The following UBAP2 variants were observed in gnomAD, a reference collection of about 807,000 sequenced individuals.
UBAP2 encodes the protein ubiquitin associated protein 2.
In UBAP2, 75 loss-of-function variants were observed where a neutral mutation model predicts 139.6. That is an observed-to-expected ratio of 0.54 (90% CI 0.45 to 0.65). The LOEUF (loss-of-function observed/expected upper bound fraction) is 0.65. UBAP2 is among the 30% of genes least tolerant of loss of function. UBAP2 has a pLI of 0.00. For synonymous variants in UBAP2, 526 were observed against 526.2 expected (o/e 1.00, Z 0.01); for missense variants, 1,368 against 1,369.6 (o/e 1.00, Z 0.02).
chr9:33,953,341 T>A lies in UBAP2; in HGVS notation c.1000A>T (p.Met334Leu), dbSNP rs775328875. ...VFTNSQHNNQMAPGTGSSTAV... is the reference protein window; with the variant it reads ...VFTNSQHNNQLAPGTGSSTAV... ...GTGGAGCTGCCAGTCCCTGGTGCCA[T>A]CTGATTGTTGTGTTGCGAATTTGTG... Residue 334 changes from methionine to leucine, a missense_variant, in exon 12 of 29, where the codon ATG becomes TTG. Physicochemically the swap from Met to Leu is conservative, Grantham distance 15. Coordinates refer to ENST00000379238, the MANE Select transcript of UBAP2 (RefSeq NM_001370062.2). 8.7e-6 allele frequency: 14 copies of A among 1,614,070 alleles called. No homozygotes were observed. The highest frequency in any genetic ancestry group is 1.2e-5 in the Non-Finnish European group (14 of 1,180,042).
At chr9:33,951,384 T>A (rs1361361819) in intron 12 of UBAP2, among the ~76,000 whole-genome samples, 8 of 122,768 alleles carry the variant, frequency 6.5e-5, no homozygotes, top group Non-Finnish European at 1.3e-4. Context: ...GTTTCTCTCG[T>A]CGCCCAGGCT....
At chr9:34,003,719 C>A (rs370305926) in intron 2 of UBAP2, among the ~76,000 whole-genome samples, 41 of 148,706 alleles carry the variant, frequency 2.8e-4, no homozygotes, top group South Asian at 1.9e-3. Context: ...AGAAAGATTT[C>A]TTTCTTTTGT....
chr9:33,923,442 G>T lies in UBAP2; in HGVS notation c.2833C>A (p.Leu945Ile). The T allele has an allele frequency of 1.2e-6, 2 of 1,614,164 alleles. No individual in the cohort carries two copies. The highest frequency in any genetic ancestry group is 1.7e-6 in the Non-Finnish European group (2 of 1,180,026). The change falls in exon 25 of 29, where the codon CTC becomes ATC. Residue 945 changes from leucine (L) to isoleucine (I), a missense_variant. Transcript: ENST00000379238. ...PASAKQHGVN[L>I]STPTPPFQQA... ...TGGAAGGGAGGTGTGGGAGTGCTGAGGTTCACCCCATGTTGCTTGGCTGAG... is the reference window on the plus strand; with the variant it reads ...TGGAAGGGAGGTGTGGGAGTGCTGATGTTCACCCCATGTTGCTTGGCTGAG...
At chr9:34,016,281 AGAGGAGGAG>A (rs1261847573) in intron 2 of UBAP2, among the ~76,000 whole-genome samples, 8 of 23,310 alleles carry the variant, frequency 3.4e-4, no homozygotes, top group East Asian at 4.5e-3. Context: ...AGAAGGAGGA[AGAGGAGGAG>A]GAGGAAGAGG....
Position 33,981,557 on chromosome 9 carries a change from T to C in UBAP2, c.520+5203A>G, listed in dbSNP as rs114420895. Among the ~76,000 whole-genome samples, 477 of 149,794 alleles carry C rather than the reference T, an allele frequency of 3.2e-3. 2 individuals are homozygous for C. The highest frequency in any genetic ancestry group is 0.011 in the African/African-American group (445 of 40,144). On this transcript the variant is annotated intron_variant, in intron 6 of 28. Coordinates refer to ENST00000379238, the MANE Select transcript of UBAP2 (RefSeq NM_001370062.2). ...TTTTAAACAAAAAAAGCCTGCTACA[T>C]TGTCCACTCTGATCTTGAACTCCTG...
At chr9:34,010,429 A>T (rs1477858469) in intron 2 of UBAP2, among the ~76,000 whole-genome samples, 1 of 13,688 alleles carries the variant, frequency 7.3e-5, no homozygotes, top group Admixed American at 1.1e-3. Flanking sequence ...CTGCCTCATA[A>T]AAAAAAAAAA....
chr9:34,011,611 A>G (rs1823756166), intron 2 of UBAP2: 1 of 986,416 alleles, frequency 1.0e-6, no homozygotes, highest in Non-Finnish European at 1.2e-6. Context: ...ACATAAGAGT[A>G]TAATAGGGAA....
At chr9:34,042,374 A>T (rs1025578846) in intron 1 of UBAP2, among the ~76,000 whole-genome samples, 1 of 150,430 alleles carries the variant, frequency 6.6e-6, no homozygotes, top group Non-Finnish European at 1.5e-5. Flanking sequence ...GCTACTCGGG[A>T]GATGGAGGCT....
chr9:34,042,742 A>G (rs1827209151), intron 1 of UBAP2, among the ~76,000 whole-genome samples: 1 of 152,088 alleles, frequency 6.6e-6, no homozygotes, highest in Non-Finnish European at 1.5e-5. Flanking sequence ...AGGTAGCAGT[A>G]ATGTCCTATT....
At chr9:33,983,450 AG>A (rs1218259977) in intron 6 of UBAP2, among the ~76,000 whole-genome samples, 1 of 152,156 alleles carries the variant, frequency 6.6e-6, no homozygotes, top group East Asian at 1.9e-4. Context: ...CCCTGGTAAG[AG>A]GGGAAGAAGC....
In UBAP2 at chr9:33,948,551, G is replaced by GT; in HGVS notation, c.1092dup (p.Pro365ThrfsTer34). ...CTGGTGATGTTTGCCATTTTTGGTG[G>GT]TGCAAGCTCTCCAAATCCTGAGCCA... is the stretch of plus-strand genomic sequence containing the variant. On this transcript the variant is annotated frameshift_variant, in exon 13 of 29. Transcript: ENST00000379238. LOFTEE classifies it high-confidence loss of function. 1 of 1,614,168 alleles carries GT rather than the reference G, an allele frequency of 6.2e-7. No homozygotes were observed. Among genetic ancestry groups the GT allele is most frequent in the Non-Finnish European group, 8.5e-7 (1 of 1,180,032 alleles).
chr9:34,019,328 A>C (rs1349237651), intron 1 of UBAP2, among the ~76,000 whole-genome samples: 2 of 152,040 alleles, frequency 1.3e-5, no homozygotes, highest in Non-Finnish European at 2.9e-5. Flanking sequence ...GCTTGAACCC[A>C]AGAGGCGGAG....
intron 1 of UBAP2, among the ~76,000 whole-genome samples, chr9:34,038,254 G>C (rs1375871591): frequency 6.6e-6 from 1 of 151,744 alleles, no homozygotes. Flanking sequence ...TTCAAGACCA[G>C]CCTGGCCAAC....
chr9:33,986,743 C>G lies in UBAP2; in HGVS notation c.520+17G>C. The G allele has an allele frequency of 6.2e-7, 1 of 1,611,688 alleles. No homozygotes were observed. The highest frequency in any genetic ancestry group is 8.5e-7 in the Non-Finnish European group (1 of 1,177,992). ...CCCCTAATTGAAAGCATTTTCTTCC[C>G]TCTTACTCTAGCTTACCTCTACCCC... On this transcript the variant is annotated intron_variant, in intron 6 of 28. Coordinates refer to ENST00000379238, the MANE Select transcript of UBAP2 (RefSeq NM_001370062.2).
At chr9:33,996,364 C>A in intron 3 of UBAP2, 31 bp from the exon 4 acceptor site, 2 of 1,513,542 alleles carry the variant, frequency 1.3e-6, no homozygotes, top group South Asian at 1.1e-5. Flanking sequence ...TGGTTAGAGG[C>A]AAACAAAAAA....
At position 33,944,430 on chromosome 9, in the gene UBAP2, A is replaced by G; in HGVS notation, c.1480T>C (p.Ser494Pro). The G allele has an allele frequency of 6.2e-7, 1 of 1,614,160 alleles. No homozygotes were observed. The highest frequency in any genetic ancestry group is 8.5e-7 in the Non-Finnish European group (1 of 1,180,036). ...TGTTTGGGCTGTGGCTGGTGGACAG[A>G]CACAGAGATATTTTCAATGGTCGTG... ...PSTTIENISV[S>P]VHQPQPKHIK... Residue 494 changes from serine (S) to proline (P), a missense_variant, in exon 14 of 29, where the codon TCT becomes CCT. Transcript: ENST00000379238.
chr9:34,046,254 C>T (rs1473584547), intron 1 of UBAP2, among the ~76,000 whole-genome samples: 1 of 147,748 alleles, frequency 6.8e-6, no homozygotes, highest in African/African-American at 2.5e-5. Flanking sequence ...CCCAACCCCA[C>T]AAAGTGTCTT....
chr9:34,005,087 A>G (rs559606637), intron 2 of UBAP2, among the ~76,000 whole-genome samples: 1 of 151,926 alleles, frequency 6.6e-6, no homozygotes, highest in South Asian at 2.1e-4. Context: ...ACATGGTGAA[A>G]CCCCGTCTAC....
chr9:33,973,228 C>G lies in UBAP2; in HGVS notation c.530G>C (p.Arg177Pro), dbSNP rs142268445. 1 of 1,613,882 alleles carries G rather than the reference C, an allele frequency of 6.2e-7. No individual in the cohort carries two copies. Among genetic ancestry groups the G allele is most frequent in the Non-Finnish European group, 8.5e-7 (1 of 1,179,900 alleles). ...GKRARGRGFG[R>P]GRGRGAGRFS... ...CCTTCCTGCCCCTCTCCCTCTGCCACGTCCAAATCCTTTAAAAAAACACAC... is the reference window on the plus strand; with the variant it reads ...CCTTCCTGCCCCTCTCCCTCTGCCAGGTCCAAATCCTTTAAAAAAACACAC... Residue 177 changes from arginine (R) to proline (P), a missense_variant, in exon 7 of 29, where the codon CGT (arginine) becomes CCT (proline). By Grantham distance (103) the Arg-to-Pro change is moderately radical. Transcript: ENST00000379238.
Sources: gnomAD v4.1 joint callset for allele counts (sites outside exome capture counted in the v4.1 genomes callset) on GRCh38, gnomAD v4.1.1 for gene constraint, MANE v1.5 for transcripts, NCBI Gene and HGNC (gene_info 2026-07-23, HGNC 2026-07-21) for gene names.